Variants in FBLN5 observed in about 807,000 individuals in gnomAD.
The protein encoded by FBLN5 is fibulin-5.
FBLN5 carries 24 observed loss-of-function variants against 61.6 expected under a neutral mutation model. That is an observed-to-expected ratio of 0.39 (90% confidence interval 0.28 to 0.55). The LOEUF is 0.55. FBLN5 is among the 20% of genes least tolerant of loss of function. FBLN5 has a pLI of 0.65. For missense variants in FBLN5, 470 were observed against 594.1 expected (o/e 0.79, Z 2.17); for synonymous variants, 213 against 219.8 (o/e 0.97, Z 0.27).
intron 10 of FBLN5, chr14:91,874,879 G>A (rs1873976655): frequency 1.3e-5 from 2 of 152,360 alleles, no homozygotes; most frequent in Non-Finnish European, 2.9e-5. Context: ...CCAGGCTGGA[G>A]TGCAGTGGTG....
At chr14:91,912,921 A>C (rs985402916) in intron 4 of FBLN5, among the ~76,000 whole-genome samples, 1 of 152,202 alleles carries the variant, frequency 6.6e-6, no homozygotes, top group African/African-American at 2.4e-5. Flanking sequence ...TGTACTCATC[A>C]AAATAAGAGC....
At chr14:91,940,218 G>A (rs1242395062) in intron 3 of FBLN5, among the ~76,000 whole-genome samples, 2 of 152,142 alleles carry the variant, frequency 1.3e-5, no homozygotes, top group Non-Finnish European at 2.9e-5. Flanking sequence ...TTCTATTCTG[G>A]TGGAGACTCA....
rs2056032001 is a variant in FBLN5 at position 91,937,166 on chromosome 14, G to A, written c.160C>T (p.Arg54Ter). The change falls in exon 4 of 11, where the codon CGA (arginine) becomes TGA (stop). Residue 54 changes from arginine to a stop codon, truncating the protein, a stop_gained. Coordinates refer to ENST00000342058, the MANE Select transcript of FBLN5 (RefSeq NM_006329.4). LOFTEE classifies it high-confidence loss of function. The stretch of plus-strand genomic sequence containing the variant: ...TGGTTAACACACATCATGTCTCCTC[G>A]GCAGGCCTCGGGGATGGTTCGGCAT... ...DECRTIPEAC[R>*]GDMMCVNQNG... The A allele has an allele frequency of 6.2e-7, 1 of 1,614,088 alleles. No homozygotes were observed. Among genetic ancestry groups the A allele is most frequent in the Non-Finnish European group, 8.5e-7 (1 of 1,180,014 alleles).
At chr14:91,945,342 T>G (rs1022732364) in intron 1 of FBLN5, among the ~76,000 whole-genome samples, 1 of 151,972 alleles carries the variant, frequency 6.6e-6, no homozygotes, top group East Asian at 1.9e-4. Flanking sequence ...GGATGCCAGA[T>G]GGAGGAGCTA....
chr14:91,897,712 G>C (rs536398961), intron 4 of FBLN5, among the ~76,000 whole-genome samples: 9 of 152,292 alleles, frequency 5.9e-5, no homozygotes, highest in Non-Finnish European at 1.5e-5. Flanking sequence ...CAAAATCCTT[G>C]AAGTTCACTC....
intron 4 of FBLN5, among the ~76,000 whole-genome samples, chr14:91,895,797 C>CAAAAAAAAA (rs60216411): frequency 1.6e-5 from 1 of 63,484 alleles, no homozygotes; most frequent in Non-Finnish European, 2.8e-5. Flanking sequence ...GACCCTGTCT[C>CAAAAAAAAA]AAAAAAAAAA....
intron 4 of FBLN5, among the ~76,000 whole-genome samples, chr14:91,898,693 T>C (rs2139989418): frequency 6.6e-6 from 1 of 152,216 alleles, no homozygotes; most frequent in Non-Finnish European, 1.5e-5. Flanking sequence ...GGGTCTGCTT[T>C]CTTTTCCTGT....
At chr14:91,904,520 G>T (rs1243634129) in intron 4 of FBLN5, among the ~76,000 whole-genome samples, 1 of 152,236 alleles carries the variant, frequency 6.6e-6, no homozygotes, top group South Asian at 2.1e-4. Context: ...GCGTGTCTTA[G>T]TCCTGTGGGG....
At chr14:91,945,242 A>G (rs2056166268) in intron 1 of FBLN5, among the ~76,000 whole-genome samples, 1 of 152,228 alleles carries the variant, frequency 6.6e-6, no homozygotes, top group Non-Finnish European at 1.5e-5. Context: ...AAAAAAAAAA[A>G]AAAGAAAATC....
chr14:91,907,910 A>G (rs957558112), intron 4 of FBLN5, among the ~76,000 whole-genome samples: 3 of 152,140 alleles, frequency 2.0e-5, no homozygotes, highest in Admixed American at 2.0e-4. Context: ...TTTATGCTTT[A>G]ATAATGTCTC....
intron 4 of FBLN5, among the ~76,000 whole-genome samples, chr14:91,929,273 T>C (rs1176730569): frequency 6.6e-6 from 1 of 152,174 alleles, no homozygotes; most frequent in Non-Finnish European, 1.5e-5. Flanking sequence ...TAATGTGATA[T>C]GTAAATATCT....
intron 6 of FBLN5, among the ~76,000 whole-genome samples, chr14:91,888,298 C>CA (rs531323572): frequency 0.022 from 3,250 of 146,394 alleles, 57 homozygotes; most frequent in Non-Finnish European, 0.03. Context: ...GACCCTGTCT[C>CA]AAAAAAAAAT....
chr14:91,895,402 T>G (rs2139983713), intron 4 of FBLN5, among the ~76,000 whole-genome samples: 1 of 152,322 alleles, frequency 6.6e-6, no homozygotes, highest in African/African-American at 2.4e-5. Context: ...GAAAGCCATT[T>G]TGTATTAGGC....
chr14:91,894,615 G>A (rs1456488459), intron 5 of FBLN5, among the ~76,000 whole-genome samples: 6 of 150,172 alleles, frequency 4.0e-5, no homozygotes, highest in African/African-American at 9.8e-5. Context: ...CTAGCTACTC[G>A]GGAGGCTGAG....
At chr14:91,919,888 G>T (rs1191134106) in intron 4 of FBLN5, among the ~76,000 whole-genome samples, 3 of 152,178 alleles carry the variant, frequency 2.0e-5, no homozygotes. Flanking sequence ...GTGGTACTCT[G>T]TTATGGCCAC....
At position 91,871,999 on chromosome 14, in the gene FBLN5, G is replaced by A. The variant is rs529595180; in HGVS notation, c.1186-1614C>T. Among the ~76,000 whole-genome samples, 4 of 152,266 alleles carry A rather than the reference G, an allele frequency of 2.6e-5. No individual in the cohort carries two copies. In the East Asian group the frequency reaches 7.7e-4, roughly 29 times the overall value. On this transcript the variant is annotated intron_variant, in intron 10 of 10. Coordinates refer to ENST00000342058, the MANE Select transcript of FBLN5 (RefSeq NM_006329.4). Reference sequence around the variant, plus strand: ...AGGATCTACTGAGCCAGAATCTGTGGCTTAACACAATCCCCAGGGCTTTGT... The same window carrying A: ...AGGATCTACTGAGCCAGAATCTGTGACTTAACACAATCCCCAGGGCTTTGT...
chr14:91,944,920 T>C (rs2056160163), intron 1 of FBLN5, among the ~76,000 whole-genome samples: 1 of 151,956 alleles, frequency 6.6e-6, no homozygotes, highest in African/African-American at 2.4e-5. Context: ...CTCTTCAAAA[T>C]GGTTATGGTA....
chr14:91,936,917 C>A, intron 4 of FBLN5, 30 bp downstream of exon 4: 2 of 1,613,874 alleles, frequency 1.2e-6, no homozygotes, highest in Non-Finnish European at 1.7e-6. Flanking sequence ...CAAAGCACAG[C>A]GGAGAGGAAC....
chr14:91,935,657 C>T (rs2056002073), intron 4 of FBLN5, among the ~76,000 whole-genome samples: 1 of 152,134 alleles, frequency 6.6e-6, no homozygotes. Flanking sequence ...TGGTTGGAGT[C>T]CACACTCTCC....
Sources: allele counts gnomAD v4.1 joint callset (sites outside exome capture counted in the v4.1 genomes callset), GRCh38; gene constraint gnomAD v4.1.1; transcripts MANE v1.5; gene names NCBI Gene and HGNC (gene_info 2026-07-23, HGNC 2026-07-21).